The following OR2G6 variants were observed in gnomAD, a reference collection of about 807,000 sequenced individuals.
The protein encoded by OR2G6 is olfactory receptor 2G6.
For missense variants in OR2G6, 457 were observed against 391.3 expected, an observed-to-expected ratio of 1.17 and a Z score of -1.42; for synonymous variants, 183 against 155.2, an observed-to-expected ratio of 1.18 and a Z score of -1.33.
In OR2G6 at chr1:248,521,542, T is replaced by C. The variant is rs368845831; in HGVS notation, c.-36-69T>C. 1.2e-4 allele frequency: 92 copies of C among 782,880 alleles called. No individual in the cohort carries two copies. The African/African-American group carries it at 1.5e-3, about 13-fold the overall frequency. 48.5% of individuals were successfully genotyped at this position (782,880 alleles called of 1,614,324 possible). A position where few individuals can be genotyped will look rare whatever the true frequency, so the allele number is the denominator to read the frequency against. On this transcript the variant is annotated intron_variant, in intron 1 of 1. Transcript: ENST00000641804. ...AGGTGATATATAAGGAAGATAATTA[T>C]ACTGTAAACGACTGTGGATTACCAT...
At chr1:248,521,040 T>TAAAAAAAAAAA (rs56891856) in intron 1 of OR2G6, among the ~76,000 whole-genome samples, 4 of 83,942 alleles carry the variant, frequency 4.8e-5, no homozygotes, top group African/African-American at 8.9e-5. Context: ...AGATTCCATC[T>TAAAAAAAAAAA]AAAAAAAAAA....
intron 1 of OR2G6, among the ~76,000 whole-genome samples, chr1:248,520,057 AGT>A (rs1664249573): frequency 1.3e-5 from 2 of 152,342 alleles, no homozygotes; most frequent in African/African-American, 2.4e-5. Context: ...GGATAAAGAA[AGT>A]GTGGCACATA....
rs556119670 is a variant in OR2G6 at position 248,526,077 on chromosome 1, C to A, written c.*3480C>A. On this transcript the variant is annotated 3_prime_UTR_variant, in exon 2 of 2. Coordinates refer to ENST00000641804, the MANE Select transcript of OR2G6 (RefSeq NM_001013355.2). ...TTGGTCTCATTTGAGTATGAATGAT[C>A]AGACAGGGAAAATAAAAGTACCAAG... 6.6e-6 allele frequency: 1 copy of A among 151,662 alleles called. No individual in the cohort carries two copies. The highest frequency in any genetic ancestry group is 1.5e-5 in the Non-Finnish European group (1 of 67,902). 9.4% of individuals were successfully genotyped at this position (151,662 alleles called of 1,614,324 possible).
In OR2G6 at chr1:248,524,157, C is replaced by T. The variant is rs1664350605; in HGVS notation, c.*1560C>T. 6.6e-6 allele frequency: 1 copy of T among 152,188 alleles called. No homozygotes were observed. Among genetic ancestry groups the T allele is most frequent in the African/African-American group, 2.4e-5 (1 of 41,424 alleles). 9.4% of individuals were successfully genotyped at this position (152,188 alleles called of 1,614,324 possible). A position where few individuals can be genotyped will look rare whatever the true frequency, so the allele number is the denominator to read the frequency against. ...TTTGGACCTGCCTCTCCTACCAAAG[C>T]CTGGACTGAAGGCAAAATGGCTGCG... On this transcript the variant is annotated 3_prime_UTR_variant, in exon 2 of 2. Transcript: ENST00000641804.
At position 248,522,371 on chromosome 1, in the gene OR2G6, C is replaced by A. The variant is rs750002705; in HGVS notation, c.725C>A (p.Ser242Ter). 6.2e-7 allele frequency: 1 copy of A among 1,613,988 alleles called. No individual in the cohort carries two copies. The highest frequency in any genetic ancestry group is 1.3e-5 in the African/African-American group (1 of 74,892). Residue 242 changes from serine to a stop codon, truncating the protein, a stop_gained, in exon 2 of 2, where the codon TCG becomes TAG. Coordinates refer to ENST00000641804, the MANE Select transcript of OR2G6 (RefSeq NM_001013355.2). LOFTEE classifies it low-confidence loss of function (END_TRUNC). ...AGRQKAFGTC[S>*]SHLVVVIIFY... ...CGCCAAAAGGCCTTTGGGACCTGTT[C>A]GTCTCACCTGGTTGTGGTCATCATT...
At position 248,522,408 on chromosome 1, in the gene OR2G6, C is replaced by G; in HGVS notation, c.762C>G (p.Thr254=). 6.2e-7 allele frequency: 1 copy of G among 1,614,146 alleles called. No individual in the cohort carries two copies. Among genetic ancestry groups the G allele is most frequent in the Non-Finnish European group, 8.5e-7 (1 of 1,180,024 alleles). Reference sequence around the variant, plus strand: ...TTGTGGTCATCATTTTCTATGGGACCATCATATTCATGTACCTTCAACCGG... The same window carrying G: ...TTGTGGTCATCATTTTCTATGGGACGATCATATTCATGTACCTTCAACCGG... The part of the protein sequence containing the change: ...HLVVVIIFYG[T]IIFMYLQPAN... Residue 254 remains threonine (T), a synonymous_variant, in exon 2 of 2, where the codon ACC becomes ACG. Transcript: ENST00000641804.
At position 248,522,309 on chromosome 1, in the gene OR2G6, C is replaced by A. The variant is rs949529116; in HGVS notation, c.663C>A (p.Ile221=). 2 of 1,614,054 alleles carry A rather than the reference C, an allele frequency of 1.2e-6. No homozygotes were observed. Among genetic ancestry groups the A allele is most frequent in the African/African-American group, 1.3e-5 (1 of 74,924 alleles). The change falls in exon 2 of 2, where the codon ATC becomes ATA. Residue 221 remains isoleucine, a synonymous_variant. Transcript: ENST00000641804. ...TCATCTTAGTCTCCTATGGCTTTATCACTCAAGCTGTGTTAAGGATAAAAT... is the reference window on the plus strand; with the variant it reads ...TCATCTTAGTCTCCTATGGCTTTATAACTCAAGCTGTGTTAAGGATAAAAT... The part of the protein sequence containing the change: ...VLLILVSYGF[I]TQAVLRIKSA...
At chr1:248,520,854 A>AT (rs1558371437) in intron 1 of OR2G6, among the ~76,000 whole-genome samples, 4 of 145,796 alleles carry the variant, frequency 2.7e-5, no homozygotes, top group African/African-American at 1.0e-4. Flanking sequence ...TACTAAAAAA[A>AT]AATATATATA....
intron 1 of OR2G6, among the ~76,000 whole-genome samples, chr1:248,509,070 A>G (rs1342772676): frequency 1.8e-3 from 62 of 33,594 alleles, no homozygotes; most frequent in African/African-American, 0.011. Flanking sequence ...GTGTGGTGAG[A>G]GCACTTAACA....
rs977015749 is a variant in OR2G6, at chr1:248,527,296, G to A, written c.*4699G>A. The A allele has an allele frequency of 6.6e-6, 1 of 152,198 alleles. No homozygotes were observed. Among genetic ancestry groups the A allele is most frequent in the Non-Finnish European group, 1.5e-5 (1 of 68,054 alleles). 9.4% of individuals were successfully genotyped at this position (152,198 alleles called of 1,614,324 possible). Reference sequence around the variant, plus strand: ...TGTCAGGTTTGTCAAAGATCAGATAGTTGAAGATGTGTGGTATTATTTCGG... The same window carrying A: ...TGTCAGGTTTGTCAAAGATCAGATAATTGAAGATGTGTGGTATTATTTCGG... On this transcript the variant is annotated 3_prime_UTR_variant, in exon 2 of 2. Coordinates refer to ENST00000641804, the MANE Select transcript of OR2G6 (RefSeq NM_001013355.2).
rs1664368527 is a variant in OR2G6, at chr1:248,525,118, A to C, written c.*2521A>C. ...TCTAAAAAATATCCACCATTTATTA[A>C]AAATCTTCCCTATAATTGAATAACA... On this transcript the variant is annotated 3_prime_UTR_variant, in exon 2 of 2. Transcript: ENST00000641804. 1 of 152,160 alleles carries C rather than the reference A, an allele frequency of 6.6e-6. No homozygotes were observed. Among genetic ancestry groups the C allele is most frequent in the South Asian group, 2.1e-4 (1 of 4,828 alleles). 9.4% of individuals were successfully genotyped at this position (152,160 alleles called of 1,614,324 possible).
chr1:248,522,088 G>A lies in OR2G6; in HGVS notation c.442G>A (p.Ala148Thr), dbSNP rs138151830. The A allele has an allele frequency of 6.8e-6, 11 of 1,614,042 alleles. No homozygotes were observed. Among genetic ancestry groups the A allele is most frequent in the Non-Finnish European group, 8.5e-6 (10 of 1,180,034 alleles). The change falls in exon 2 of 2, where the codon GCA becomes ACA. Residue 148 changes from alanine to threonine, a missense_variant. Coordinates refer to ENST00000641804, the MANE Select transcript of OR2G6 (RefSeq NM_001013355.2). ...PRFCASLAGG[A>T]WLSGLITSLI... ...GTTCTGTGCGTCTCTGGCCGGTGGA[G>A]CATGGCTCAGCGGCCTCATCACCTC...
At position 248,521,784 on chromosome 1, in the gene OR2G6, A is replaced by G; in HGVS notation, c.138A>G (p.Ile46Met). The change falls in exon 2 of 2, where the codon ATA (isoleucine) becomes ATG (methionine). Residue 46 changes from isoleucine to methionine, a missense_variant. Transcript: ENST00000641804. ...VLSLLGNTALILVCCLDSRLH... is the reference protein window; with the variant it reads ...VLSLLGNTALMLVCCLDSRLH... ...GCCTTCTGGGGAACACTGCCCTCAT[A>G]CTAGTATGTTGTCTGGACTCCAGAC... is the stretch of plus-strand genomic sequence containing the variant. 3.7e-6 allele frequency: 6 copies of G among 1,614,026 alleles called. No individual in the cohort carries two copies. Among genetic ancestry groups the G allele is most frequent in the East Asian group, 2.2e-5 (1 of 44,878 alleles).
Position 248,521,201 on chromosome 1 carries a change from C to T in OR2G6, c.-36-410C>T, listed in dbSNP as rs919779972. On this transcript the variant is annotated intron_variant, in intron 1 of 1. Transcript: ENST00000641804. ...TCACGGCACTGTACTCTAGTCCAGG[C>T]GACAGAACGACTCCATCTCAAAAAA... Among the ~76,000 whole-genome samples, 27 of 151,774 alleles carry T rather than the reference C, an allele frequency of 1.8e-4. 1 individual carries two copies. Among genetic ancestry groups the T allele is most frequent in the African/African-American group, 4.1e-4 (17 of 41,294 alleles).
Position 248,521,847 on chromosome 1 carries a change from G to A in OR2G6, c.201G>A (p.Ser67=), listed in dbSNP as rs188173796. 636 of 1,614,120 alleles carry A rather than the reference G, an allele frequency of 3.9e-4. 10 individuals carry two copies. In the East Asian group the frequency reaches 0.012, roughly 31 times the overall value. The change falls in exon 2 of 2, where the codon TCG becomes TCA. Residue 67 remains serine (S), a synonymous_variant. Transcript: ENST00000641804. ...TGTACTTCTTCCTCAGCAACCTCTC[G>A]TGTGTGGACATCTGCTTTACCACCA... ...TPMYFFLSNL[S]CVDICFTTSV...
In OR2G6 at chr1:248,525,373, TA is replaced by T. The variant is rs1355234708; in HGVS notation, c.*2781del. 6.6e-6 allele frequency: 1 copy of T among 152,146 alleles called. No individual in the cohort carries two copies. The highest frequency in any genetic ancestry group is 2.4e-5 in the African/African-American group (1 of 41,436). The allele number at this position is 152,146 out of a possible 1,614,324, so 9.4% of individuals were successfully genotyped here. ...ATGACCATTCAGTATTGCAATTATT[TA>T]AAAACTATACAATGAGAATGCTGTA... On this transcript the variant is annotated 3_prime_UTR_variant, in exon 2 of 2. Coordinates refer to ENST00000641804, the MANE Select transcript of OR2G6 (RefSeq NM_001013355.2).
rs975396720 is a variant in OR2G6 at position 248,522,413 on chromosome 1, T to A, written c.767T>A (p.Ile256Lys). The change falls in exon 2 of 2, where the codon ATA (isoleucine) becomes AAA (lysine). Residue 256 changes from isoleucine (I) to lysine (K), a missense_variant. Coordinates refer to ENST00000641804, the MANE Select transcript of OR2G6 (RefSeq NM_001013355.2). ...VVVIIFYGTI[I>K]FMYLQPANRR... ...GTCATCATTTTCTATGGGACCATCATATTCATGTACCTTCAACCGGCCAAT... is the reference window on the plus strand; with the variant it reads ...GTCATCATTTTCTATGGGACCATCAAATTCATGTACCTTCAACCGGCCAAT... The A allele has an allele frequency of 1.2e-6, 2 of 1,614,080 alleles. No individual in the cohort carries two copies. Among genetic ancestry groups the A allele is most frequent in the Non-Finnish European group, 1.7e-6 (2 of 1,180,034 alleles).
rs545614222 is a variant in OR2G6, at chr1:248,525,696, T to G, written c.*3099T>G. ...GCAAAATAACCAGCTAGCATCACGATGACAAGATCAAATTCACACATAAAA... is the reference window on the plus strand; with the variant it reads ...GCAAAATAACCAGCTAGCATCACGAGGACAAGATCAAATTCACACATAAAA... On this transcript the variant is annotated 3_prime_UTR_variant, in exon 2 of 2. Coordinates refer to ENST00000641804, the MANE Select transcript of OR2G6 (RefSeq NM_001013355.2). 6.6e-6 allele frequency: 1 copy of G among 152,084 alleles called. No individual in the cohort carries two copies. Among genetic ancestry groups the G allele is most frequent in the Non-Finnish European group, 1.5e-5 (1 of 67,996 alleles). The allele number at this position is 152,084 out of a possible 1,614,324, so 9.4% of individuals were successfully genotyped here.
At position 248,523,574 on chromosome 1, in the gene OR2G6, T is replaced by A. The variant is rs777750080; in HGVS notation, c.*977T>A. 6 of 152,048 alleles carry A rather than the reference T, an allele frequency of 3.9e-5. No individual in the cohort carries two copies. In the East Asian group the frequency reaches 1.2e-3, roughly 30 times the overall value. The allele number at this position is 152,048 out of a possible 1,614,324, so 9.4% of individuals were successfully genotyped here. ...TGTCTCACGTTAACGATCATAGTTA[T>A]ATGTTTGGTTTCCAAAACAGCAAAA... On this transcript the variant is annotated 3_prime_UTR_variant, in exon 2 of 2. Coordinates refer to ENST00000641804, the MANE Select transcript of OR2G6 (RefSeq NM_001013355.2).
Sources: gnomAD v4.1 joint callset for allele counts (sites outside exome capture counted in the v4.1 genomes callset) on GRCh38, gnomAD v4.1.1 for gene constraint, MANE v1.5 for transcripts, NCBI Gene and HGNC (gene_info 2026-07-23, HGNC 2026-07-21) for gene names.